Variants in RALGPS1 observed in about 807,000 individuals in gnomAD.
RALGPS1 encodes the protein Ral GEF with PH domain and SH3 binding motif 1, also known as ras-specific guanine nucleotide-releasing factor RalGPS1.
Under a neutral mutation model 78.8 loss-of-function variants are expected in RALGPS1, and 19 were observed. The observed-to-expected ratio is 0.24, with a 90% CI of 0.17 to 0.35. The LOEUF (loss-of-function observed/expected upper bound fraction) is 0.35. Among genes scored for constraint, RALGPS1 ranks in the 10% least tolerant of loss-of-function variants. The probability of loss-of-function intolerance (pLI) is 1.00; values close to 1 mark genes in which losing one functional copy is unlikely to be tolerated. For missense variants in RALGPS1, 454 were observed against 688.3 expected (o/e 0.66, Z 3.81); for synonymous variants, 228 against 256.3 (o/e 0.89, Z 1.06).
intron 4 of RALGPS1, among the ~76,000 whole-genome samples, chr9:127,031,521 C>T (rs1330954653): frequency 2.0e-5 from 3 of 152,222 alleles, no homozygotes; most frequent in Non-Finnish European, 4.4e-5. Flanking sequence ...GGCCCTGTGC[C>T]CCGCATGTCA....
chr9:127,108,719 A>G, intron 8 of RALGPS1: 1 of 1,607,480 alleles, frequency 6.2e-7, no homozygotes, highest in Non-Finnish European at 8.5e-7. Context: ...CATGTCACGC[A>G]CAGTGGCCTC....
chr9:127,006,004 C>G (rs1241925760), intron 4 of RALGPS1, among the ~76,000 whole-genome samples: 2 of 152,162 alleles, frequency 1.3e-5, no homozygotes, highest in African/African-American at 2.4e-5. Flanking sequence ...TCGATAAAAT[C>G]CAACATCTCT....
intron 8 of RALGPS1, among the ~76,000 whole-genome samples, chr9:127,154,480 T>G (rs2058603284): frequency 6.6e-6 from 1 of 152,254 alleles, no homozygotes. Context: ...TCAGATGCCT[T>G]CTTCCTTCCA....
In RALGPS1 at chr9:127,212,750, G is replaced by A. The variant is rs1302566720; in HGVS notation, c.1446+31G>A. ...TCCCTTGAAAGGACTCTAGTGCTGG[G>A]ACTTCCTCTAGTGGGGAAGGGACCT... On this transcript the variant is annotated intron_variant, in intron 16 of 18. Transcript: ENST00000259351. This position sits in a 1 kb window ranked among gnomAD's most constrained non-coding sequence, Gnocchi z 6.0. 1.9e-6 allele frequency: 3 copies of A among 1,574,788 alleles called. No homozygotes were observed. In the South Asian group the frequency reaches 3.4e-5, roughly 18 times the overall value.
At chr9:127,037,872 C>T (rs1390653138) in intron 5 of RALGPS1, among the ~76,000 whole-genome samples, 1 of 152,200 alleles carries the variant, frequency 6.6e-6, no homozygotes, top group East Asian at 1.9e-4. Context: ...TCTGATTGGC[C>T]AGGTCTTGGA....
At chr9:127,087,441 C>T (rs1047434141) in intron 8 of RALGPS1, 1 of 152,576 alleles carries the variant, frequency 6.6e-6, no homozygotes, top group South Asian at 2.1e-4. Context: ...ATACACAAAA[C>T]ATGCTACATG....
At chr9:127,208,837 C>T (rs951544003) in intron 14 of RALGPS1, among the ~76,000 whole-genome samples, 1 of 152,198 alleles carries the variant, frequency 6.6e-6, no homozygotes, top group Non-Finnish European at 1.5e-5. Flanking sequence ...TACAAAGCCA[C>T]GCACTGTCTC....
chr9:127,219,008 G>A lies in RALGPS1; in HGVS notation c.*239G>A, dbSNP rs1354462150. ...TGCAGCACCGCCTCTTGGGGCAGTG[G>A]TCAGACCCCACACGCCCTCTCTGGG... is the stretch of plus-strand genomic sequence containing the variant. On this transcript the variant is annotated 3_prime_UTR_variant, in exon 19 of 19. Coordinates refer to ENST00000259351, the MANE Select transcript of RALGPS1 (RefSeq NM_014636.3). The surrounding 1 kb of genome is among the most constrained non-coding windows in gnomAD (Gnocchi z 5.0). 1 of 574,386 alleles carries A rather than the reference G, an allele frequency of 1.7e-6. No homozygotes were observed. The highest frequency in any genetic ancestry group is 3.0e-5 in the East Asian group (1 of 33,824). The allele number at this position is 574,386 out of a possible 1,614,324, so 35.6% of individuals were successfully genotyped here.
intron 8 of RALGPS1, among the ~76,000 whole-genome samples, chr9:127,154,945 T>C (rs2058628952): frequency 6.6e-6 from 1 of 152,206 alleles, no homozygotes; most frequent in African/African-American, 2.4e-5. Context: ...ATGGGCAGCC[T>C]CGGTTCTACC....
At chr9:126,957,449 C>T (rs2038452196) in intron 1 of RALGPS1, among the ~76,000 whole-genome samples, 1 of 152,156 alleles carries the variant, frequency 6.6e-6, no homozygotes, top group East Asian at 1.9e-4. Flanking sequence ...CAGCCTGGGC[C>T]TGAGATAGGC....
At chr9:127,002,068 C>T (rs1335585188) in intron 4 of RALGPS1, among the ~76,000 whole-genome samples, 1 of 152,078 alleles carries the variant, frequency 6.6e-6, no homozygotes, top group Non-Finnish European at 1.5e-5. Flanking sequence ...ACAATGTAGC[C>T]ACCATCTGGA....
intron 7 of RALGPS1, among the ~76,000 whole-genome samples, chr9:127,060,699 C>T (rs886277320): frequency 6.6e-6 from 1 of 152,132 alleles, no homozygotes. Flanking sequence ...ACCCTCACAC[C>T]GTTACTGGAG....
chr9:127,138,608 G>A (rs959925262), intron 8 of RALGPS1, among the ~76,000 whole-genome samples: 2 of 152,188 alleles, frequency 1.3e-5, no homozygotes, highest in African/African-American at 2.4e-5. Flanking sequence ...GGCTCTCGGT[G>A]CCAGTCATCA....
intron 4 of RALGPS1, among the ~76,000 whole-genome samples, chr9:127,008,287 A>G (rs572417671): frequency 2.0e-5 from 3 of 152,328 alleles, no homozygotes; most frequent in East Asian, 1.9e-4. Context: ...TTCTTACTCA[A>G]ATAGCTGGGC....
At chr9:126,915,131 G>A (rs1210363927) in intron 1 of RALGPS1, 156 bp downstream of exon 1, 1 of 147,452 alleles carries the variant, frequency 6.8e-6, no homozygotes, top group Non-Finnish European at 1.5e-5. Context: ...GAGGGGCCTC[G>A]GTGCGGGAGG....
chr9:126,958,768 T>C (rs2038605027), intron 1 of RALGPS1, among the ~76,000 whole-genome samples: 1 of 152,232 alleles, frequency 6.6e-6, no homozygotes. Context: ...TTTCTTTTTT[T>C]AGGTAGATAC....
chr9:127,093,369 G>A lies in RALGPS1; in HGVS notation c.610+24013G>A, dbSNP rs574350579. Among the ~76,000 whole-genome samples the A allele has an allele frequency of 3.9e-5, 6 of 152,240 alleles. No individual in the cohort carries two copies. In the South Asian group the frequency reaches 1.2e-3, roughly 32 times the overall value. ...TTGCGCCTTCTGGGCTTTGAGAGCG[G>A]GTCTTTCCCCATGGAAACCCCACTT... On this transcript the variant is annotated intron_variant, in intron 8 of 18. Coordinates refer to ENST00000259351, the MANE Select transcript of RALGPS1 (RefSeq NM_014636.3).
intron 11 of RALGPS1, among the ~76,000 whole-genome samples, chr9:127,189,829 A>G (rs1390974680): frequency 6.6e-6 from 1 of 152,194 alleles, no homozygotes; most frequent in Non-Finnish European, 1.5e-5. Context: ...CAGGGAGCCT[A>G]CTGACCTAGC....
chr9:127,084,275 C>T (rs1589375496), intron 8 of RALGPS1, among the ~76,000 whole-genome samples: 1 of 152,230 alleles, frequency 6.6e-6, no homozygotes, highest in Non-Finnish European at 1.5e-5. Flanking sequence ...GCCTCCCCAA[C>T]CTGTTCACTG....
Sources: gnomAD v4.1 joint callset for allele counts (sites outside exome capture counted in the v4.1 genomes callset) on GRCh38, gnomAD v4.1.1 for gene constraint, Gnocchi (gnomAD v3.1) non-coding constraint, MANE v1.5 for transcripts, NCBI Gene and HGNC (gene_info 2026-07-23, HGNC 2026-07-21) for gene names.